KCNB2: variants seen among roughly 807,000 people sequenced by gnomAD.
KCNB2 encodes the protein delayed rectifier potassium channel protein.
A neutral mutation model predicts 61.5 loss-of-function variants in KCNB2; 15 were observed. That is an observed-to-expected ratio of 0.24 (90% confidence interval 0.16 to 0.38). KCNB2 has a LOEUF of 0.38. KCNB2 is among the 10% of genes least tolerant of loss of function. The pLI, the probability that KCNB2 is intolerant of heterozygous loss-of-function variation, is 1.00. For missense variants in KCNB2, 828 were observed against 1,125.2 expected, an observed-to-expected ratio of 0.74 and a Z score of 3.78; for synonymous variants, 457 against 446.0, an observed-to-expected ratio of 1.02 and a Z score of -0.31.
At chr8:72,871,576 C>T (rs1216054171) in intron 2 of KCNB2, among the ~76,000 whole-genome samples, 1 of 152,190 alleles carries the variant, frequency 6.6e-6, no homozygotes. Flanking sequence ...TGTTGACATG[C>T]AATAGGCACC....
At chr8:72,715,048 T>C (rs1266295974) in intron 2 of KCNB2, among the ~76,000 whole-genome samples, 3 of 151,496 alleles carry the variant, frequency 2.0e-5, no homozygotes, top group Non-Finnish European at 4.4e-5. Flanking sequence ...CCAACAAAGA[T>C]CAAAAGAGAC....
chr8:72,910,464 G>T (rs1806268168), intron 2 of KCNB2, among the ~76,000 whole-genome samples: 1 of 152,050 alleles, frequency 6.6e-6, no homozygotes, highest in African/African-American at 2.4e-5. Flanking sequence ...AACATTGAAG[G>T]GATACATAAA....
intron 2 of KCNB2, among the ~76,000 whole-genome samples, chr8:72,804,349 A>G (rs76813952): frequency 0.022 from 3,392 of 152,232 alleles, 124 homozygotes; most frequent in African/African-American, 0.077. Flanking sequence ...GTGATGGAAT[A>G]TGGAGCCTAG....
chr8:72,933,247 C>T (rs148728928), intron 2 of KCNB2, among the ~76,000 whole-genome samples: 3 of 152,282 alleles, frequency 2.0e-5, no homozygotes, highest in African/African-American at 7.2e-5. Flanking sequence ...CAGCAAGACT[C>T]TATTGTGTTT....
At chr8:72,666,879 T>TC (rs397777712) in intron 2 of KCNB2, among the ~76,000 whole-genome samples, 1 of 152,080 alleles carries the variant, frequency 6.6e-6, no homozygotes, top group African/African-American at 2.4e-5. Flanking sequence ...TATCTGTTTT[T>TC]GTTGCTTTTA....
intron 2 of KCNB2, among the ~76,000 whole-genome samples, chr8:72,590,034 G>T (rs1807070028): frequency 6.6e-6 from 1 of 151,674 alleles, no homozygotes; most frequent in South Asian, 2.1e-4. Context: ...TTTCACTGAC[G>T]TATAGTAAAA....
At chr8:72,888,511 C>T (rs999983095) in intron 2 of KCNB2, among the ~76,000 whole-genome samples, 28 of 152,146 alleles carry the variant, frequency 1.8e-4, no homozygotes, top group Admixed American at 1.3e-4. Context: ...ATAAAATTCT[C>T]GGAGAAACAA....
At chr8:72,549,819 T>G (rs1806317193) in intron 1 of KCNB2, among the ~76,000 whole-genome samples, 1 of 152,166 alleles carries the variant, frequency 6.6e-6, no homozygotes, top group Non-Finnish European at 1.5e-5. Context: ...CAATCAGTAT[T>G]ATAGTGCCCT....
Position 72,610,068 on chromosome 8 carries a change from T to G in KCNB2, c.579+41755T>G, listed in dbSNP as rs530374315. Among the ~76,000 whole-genome samples, 5 of 152,248 alleles carry G rather than the reference T, an allele frequency of 3.3e-5. No homozygotes were observed. The South Asian group carries it at 1.0e-3, about 32-fold the overall frequency. ...TCACTTAATAATATTTCAAAAAAAT[T>G]TGGTGACTTTTCTGACCACAGGGTT... On this transcript the variant is annotated intron_variant, in intron 2 of 2. Transcript: ENST00000523207.
chr8:72,599,747 C>G (rs1037751961), intron 2 of KCNB2, among the ~76,000 whole-genome samples: 3 of 151,978 alleles, frequency 2.0e-5, no homozygotes, highest in Non-Finnish European at 2.9e-5. Context: ...AACAAATTTA[C>G]AATAAAAAAA....
intron 2 of KCNB2, among the ~76,000 whole-genome samples, chr8:72,896,583 G>A (rs1428121664): frequency 6.6e-6 from 1 of 152,092 alleles, no homozygotes; most frequent in Non-Finnish European, 1.5e-5. Flanking sequence ...ATATACAAAG[G>A]TTATCCTAAT....
rs541974296 is a variant in KCNB2 at position 72,779,814 on chromosome 8, A to G, written c.580-156121A>G. On this transcript the variant is annotated intron_variant, in intron 2 of 2. Transcript: ENST00000523207. ...CTGAATATTATTCTCAGCTCAGCAC[A>G]AAACTGAATAATGAGAGCTGTATAA... Among the ~76,000 whole-genome samples the G allele has an allele frequency of 2.0e-5, 3 of 152,300 alleles. No individual in the cohort carries two copies. In the South Asian group the frequency reaches 6.2e-4, roughly 32 times the overall value.
chr8:72,935,929 T>C lies in KCNB2; in HGVS notation c.580-6T>C. 6.2e-7 allele frequency: 1 copy of C among 1,608,470 alleles called. No individual in the cohort carries two copies. The highest frequency in any genetic ancestry group is 1.3e-5 in the African/African-American group (1 of 74,898). ...ATTTGCTGACTTGGACTTTTCTCTT[T>C]TCCAGATCCTGGCCATCGTGTCTAT... On this transcript the variant is annotated splice_polypyrimidine_tract_variant and splice_region_variant and intron_variant, in intron 2 of 2. Coordinates refer to ENST00000523207, the MANE Select transcript of KCNB2 (RefSeq NM_004770.3).
chr8:72,725,529 A>ATATATATG (rs1807620806), intron 2 of KCNB2, among the ~76,000 whole-genome samples: 17 of 82,426 alleles, frequency 2.1e-4, no homozygotes, highest in African/African-American at 2.6e-4. Flanking sequence ...ATATATATAT[A>ATATATATG]TATATATATA....
In KCNB2 at chr8:72,810,868, T is replaced by C. The variant is rs528376906; in HGVS notation, c.580-125067T>C. 2.0e-5 allele frequency among the ~76,000 whole-genome samples: 3 copies of C among 152,338 alleles called. No homozygotes were observed. The East Asian group carries it at 5.8e-4, about 29-fold the overall frequency. On this transcript the variant is annotated intron_variant, in intron 2 of 2. Coordinates refer to ENST00000523207, the MANE Select transcript of KCNB2 (RefSeq NM_004770.3). ...ACATGTTTTGGGATGGACATTCTTA[T>C]CTAAAATGCAATCAAATCAGTCAGA...
At chr8:72,652,382 G>A (rs1057034752) in intron 2 of KCNB2, among the ~76,000 whole-genome samples, 2 of 152,032 alleles carry the variant, frequency 1.3e-5, no homozygotes, top group Admixed American at 6.6e-5. Flanking sequence ...CTAGACTACT[G>A]CAAGAGCTAT....
intron 2 of KCNB2, among the ~76,000 whole-genome samples, chr8:72,911,191 T>C (rs549378372): frequency 1.3e-5 from 2 of 152,346 alleles, no homozygotes; most frequent in South Asian, 4.1e-4. Flanking sequence ...ACAGTCTGCA[T>C]CACTAGATCC....
At chr8:72,655,166 G>A (rs1018414345) in intron 2 of KCNB2, among the ~76,000 whole-genome samples, 1 of 152,096 alleles carries the variant, frequency 6.6e-6, no homozygotes, top group African/African-American at 2.4e-5. Flanking sequence ...GGAGCTGGAG[G>A]CTATTATCCT....
chr8:72,911,707 A>G (rs1806298445), intron 2 of KCNB2, among the ~76,000 whole-genome samples: 1 of 152,208 alleles, frequency 6.6e-6, no homozygotes, highest in African/African-American at 2.4e-5. Context: ...TTTGAGAACT[A>G]CTGCACTAAT....
Sources: allele counts gnomAD v4.1 joint callset (sites outside exome capture counted in the v4.1 genomes callset), GRCh38; gene constraint gnomAD v4.1.1; transcripts MANE v1.5; gene names NCBI Gene and HGNC (gene_info 2026-07-23, HGNC 2026-07-21).